PRKCB: variants seen among roughly 807,000 people sequenced by gnomAD.
The protein encoded by PRKCB is protein kinase C beta type.
A neutral mutation model predicts 81.5 loss-of-function variants in PRKCB; 13 were observed. The observed-to-expected ratio is 0.16, with a 90% CI of 0.10 to 0.25. The LOEUF is 0.25. Ranked by LOEUF, PRKCB falls within the 10% of genes least tolerant of loss-of-function variation. The pLI, the probability that PRKCB is intolerant of heterozygous loss-of-function variation, is 1.00. For missense variants in PRKCB, 509 were observed against 875.7 expected (o/e 0.58, Z 5.29); for synonymous variants, 335 against 321.4 (o/e 1.04, Z -0.45).
intron 4 of PRKCB, among the ~76,000 whole-genome samples, chr16:24,033,071 C>T (rs950933377): frequency 2.0e-5 from 3 of 152,158 alleles, no homozygotes; most frequent in East Asian, 1.9e-4. Flanking sequence ...GGCCAAGGCC[C>T]GGATGGCCTG....
At chr16:23,890,226 C>A (rs1395089767) in intron 2 of PRKCB, among the ~76,000 whole-genome samples, 1 of 152,158 alleles carries the variant, frequency 6.6e-6, no homozygotes, top group Non-Finnish European at 1.5e-5. Context: ...GTTTTATTGC[C>A]TGAATCAAGA....
intron 2 of PRKCB, chr16:23,963,872 G>C (rs941678461): frequency 1.3e-5 from 2 of 152,212 alleles, no homozygotes; most frequent in African/African-American, 4.8e-5. Context: ...CCAGCCGTGG[G>C]AATGGGCCAT....
intron 2 of PRKCB, among the ~76,000 whole-genome samples, chr16:23,982,096 T>C (rs1204637389): frequency 9.8e-3 from 98 of 10,050 alleles, no homozygotes; most frequent in African/African-American, 0.013. Context: ...TTCCCTTTCC[T>C]TTTCCCTTCC....
Position 24,215,303 on chromosome 16 carries a change from A to G in PRKCB, c.*487A>G. On this transcript the variant is annotated 3_prime_UTR_variant, in exon 17 of 17. Transcript: ENST00000643927. ...TCTGGAGGCACCAGACCTTGAAAAG[A>G]ACATGCTCAAAATAAAATGTTATCT... 1 of 986,396 alleles carries G rather than the reference A, an allele frequency of 1.0e-6. No individual in the cohort carries two copies. Among genetic ancestry groups the G allele is most frequent in the African/African-American group, 1.7e-5 (1 of 57,362 alleles). 61.1% of individuals were successfully genotyped at this position (986,396 alleles called of 1,614,324 possible). A position where few individuals can be genotyped will look rare whatever the true frequency, so the allele number is the denominator to read the frequency against.
At chr16:23,873,387 GAAAAAAGA>G (rs1234179630) in intron 2 of PRKCB, among the ~76,000 whole-genome samples, 3 of 150,690 alleles carry the variant, frequency 2.0e-5, no homozygotes, top group Non-Finnish European at 4.4e-5. Context: ...AAAAAAGAGA[GAAAAAAGA>G]AAAAAAGAAA....
intron 4 of PRKCB, among the ~76,000 whole-genome samples, chr16:24,032,969 C>T (rs1965567739): frequency 6.6e-6 from 1 of 152,200 alleles, no homozygotes; most frequent in Admixed American, 6.5e-5. Context: ...GGCCCTGCAG[C>T]ACCCACAGGT....
At chr16:23,983,672 T>C (rs1964766774) in intron 2 of PRKCB, among the ~76,000 whole-genome samples, 1 of 152,144 alleles carries the variant, frequency 6.6e-6, no homozygotes, top group African/African-American at 2.4e-5. Flanking sequence ...TGAGCTATCT[T>C]TATCCCCTTC....
chr16:23,885,006 T>G (rs575212272), intron 2 of PRKCB, among the ~76,000 whole-genome samples: 1 of 151,762 alleles, frequency 6.6e-6, no homozygotes, highest in African/African-American at 2.4e-5. Context: ...TGGATTTTAG[T>G]TTCCTTGCCA....
chr16:23,940,010 C>G (rs1314766768), intron 2 of PRKCB, among the ~76,000 whole-genome samples: 8 of 152,002 alleles, frequency 5.3e-5, no homozygotes, highest in Admixed American at 5.2e-4. Context: ...CTGTAAGAAA[C>G]AAACAATCCA....
At chr16:24,011,763 G>A (rs1462475668) in intron 3 of PRKCB, among the ~76,000 whole-genome samples, 1 of 152,134 alleles carries the variant, frequency 6.6e-6, no homozygotes, top group Non-Finnish European at 1.5e-5. Flanking sequence ...GGGATTACAG[G>A]CATGAACCAT....
In PRKCB at chr16:24,006,696, A is replaced by G. The variant is rs886831520; in HGVS notation, c.288+18106A>G. ...CATTCAGCCTAAATTCAAATTCCAG[A>G]AGGAGAGAGATTATCTGGCCGAGCT... On this transcript the variant is annotated intron_variant, in intron 3 of 16. Transcript: ENST00000643927. Among the ~76,000 whole-genome samples the G allele has an allele frequency of 4.6e-5, 7 of 152,186 alleles. No homozygotes were observed. The East Asian group carries it at 1.3e-3, about 29-fold the overall frequency.
In PRKCB at chr16:24,219,952, A is replaced by G. The variant is rs1300271554; in HGVS notation, c.*5136A>G. The stretch of plus-strand genomic sequence containing the variant: ...CGCTGTGTTAATGTGTTTACTTTCC[A>G]TTTGGCAGAGAGACAAGAGAGACAC... On this transcript the variant is annotated 3_prime_UTR_variant, in exon 17 of 17. Coordinates refer to ENST00000643927, the MANE Select transcript of PRKCB (RefSeq NM_002738.7). 4 of 1,613,678 alleles carry G rather than the reference A, an allele frequency of 2.5e-6. No individual in the cohort carries two copies. Among genetic ancestry groups the G allele is most frequent in the East Asian group, 4.5e-5 (2 of 44,854 alleles).
At chr16:24,195,073 T>C (rs1967858975) in intron 16 of PRKCB, among the ~76,000 whole-genome samples, 1 of 151,840 alleles carries the variant, frequency 6.6e-6, no homozygotes, top group African/African-American at 2.4e-5. Flanking sequence ...CGTGATAGCA[T>C]CCACCTGTAG....
intron 2 of PRKCB, among the ~76,000 whole-genome samples, chr16:23,924,036 C>A (rs1301121889): frequency 6.6e-6 from 1 of 152,042 alleles, no homozygotes; most frequent in Non-Finnish European, 1.5e-5. Flanking sequence ...GTGTCCCCAC[C>A]CAAATCTCAT....
intron 7 of PRKCB, among the ~76,000 whole-genome samples, chr16:24,105,350 G>A (rs1486402087): frequency 3.3e-5 from 5 of 152,084 alleles, no homozygotes; most frequent in Non-Finnish European, 5.9e-5. Flanking sequence ...GAGCCACCAA[G>A]CCTGGCCTTT....
intron 2 of PRKCB, among the ~76,000 whole-genome samples, chr16:23,840,624 A>T (rs1285476082): frequency 2.0e-5 from 3 of 152,112 alleles, no homozygotes; most frequent in African/African-American, 7.2e-5. Context: ...ATACAAGCAG[A>T]GAGAGGATGT....
intron 2 of PRKCB, among the ~76,000 whole-genome samples, chr16:23,970,929 C>T (rs1964546724): frequency 6.6e-6 from 1 of 152,166 alleles, no homozygotes; most frequent in Non-Finnish European, 1.5e-5. Flanking sequence ...GGAGGCAGTA[C>T]AGAGTAGTGG....
chr16:24,084,243 C>A (rs1966286794), intron 5 of PRKCB, among the ~76,000 whole-genome samples: 1 of 151,942 alleles, frequency 6.6e-6, no homozygotes, highest in Non-Finnish European at 1.5e-5. Flanking sequence ...GAGAAAAGAC[C>A]AGAGCAAATG....
At chr16:24,125,769 G>A (rs1005445071) in intron 9 of PRKCB, among the ~76,000 whole-genome samples, 3 of 152,226 alleles carry the variant, frequency 2.0e-5, no homozygotes, top group South Asian at 2.1e-4. Flanking sequence ...CTCTCTGTCT[G>A]TGGGTGGCAA....
Sources: gnomAD v4.1 joint callset for allele counts (sites outside exome capture counted in the v4.1 genomes callset) on GRCh38, gnomAD v4.1.1 for gene constraint, MANE v1.5 for transcripts, NCBI Gene and HGNC (gene_info 2026-07-23, HGNC 2026-07-21) for gene names.